The following NCS1 variants were observed in gnomAD, a reference collection of about 807,000 sequenced individuals.
The protein encoded by NCS1 is frequenin homolog.
NCS1 carries 6 observed loss-of-function variants against 28.4 expected under a neutral mutation model. That is an observed-to-expected ratio of 0.21 (90% CI 0.12 to 0.42). The LOEUF (loss-of-function observed/expected upper bound fraction) is 0.42. Ranked by LOEUF, NCS1 falls within the 10% of genes least tolerant of loss-of-function variation. The probability of loss-of-function intolerance (pLI) is 1.00; values close to 1 mark genes in which losing one functional copy is unlikely to be tolerated. For missense variants in NCS1, 131 were observed against 241.4 expected, an observed-to-expected ratio of 0.54 and a Z score of 3.03; for synonymous variants, 86 against 99.3, an observed-to-expected ratio of 0.87 and a Z score of 0.79.
chr9:130,199,429 C>T (rs921529048), intron 1 of NCS1, among the ~76,000 whole-genome samples: 1 of 152,184 alleles, frequency 6.6e-6, no homozygotes, highest in Non-Finnish European at 1.5e-5. Flanking sequence ...TGCTTGCAGA[C>T]AGGTCTCTTC....
intron 1 of NCS1, among the ~76,000 whole-genome samples, chr9:130,194,398 G>A (rs1311193336): frequency 1.0e-5 from 1 of 96,346 alleles, no homozygotes; most frequent in East Asian, 2.3e-4. Context: ...TGGAGTCTGT[G>A]GGCGTGGGGG....
At position 130,226,445 on chromosome 9, in the gene NCS1, G is replaced by A. The variant is rs1554911391; in HGVS notation, c.531G>A (p.Pro177=). Residue 177 remains proline (P), a synonymous_variant, in exon 7 of 8, where the codon CCG becomes CCA. Transcript: ENST00000372398. This position sits in a 1 kb window ranked among gnomAD's most constrained non-coding sequence, Gnocchi z 4.8. ...QEFQEGSKAD[P]SIVQALSLYD... is the part of the protein sequence containing the mutation. Reference sequence around the variant, plus strand: ...TCCAGGAGGGTTCCAAGGCAGACCCGTCCATTGTGCAGGCGCTGTCCCTCT... The same window carrying A: ...TCCAGGAGGGTTCCAAGGCAGACCCATCCATTGTGCAGGCGCTGTCCCTCT... 6 of 1,614,002 alleles carry A rather than the reference G, an allele frequency of 3.7e-6. No homozygotes were observed. The highest frequency in any genetic ancestry group is 4.2e-6 in the Non-Finnish European group (5 of 1,180,000).
chr9:130,200,625 G>T, intron 1 of NCS1: 1 of 1,551,818 alleles, frequency 6.4e-7, no homozygotes, highest in Non-Finnish European at 8.7e-7. Flanking sequence ...AGTCTTAGAT[G>T]TTGGCCTGGG....
chr9:130,200,542 C>A, intron 1 of NCS1: 1 of 1,550,690 alleles, frequency 6.4e-7, no homozygotes, highest in Non-Finnish European at 8.7e-7. Flanking sequence ...ATAGGTGGGG[C>A]AGCCGAGTGC....
At chr9:130,230,545 C>CA (rs1227146388) in intron 7 of NCS1, among the ~76,000 whole-genome samples, 25 of 151,884 alleles carry the variant, frequency 1.6e-4, no homozygotes, top group African/African-American at 6.0e-4. Flanking sequence ...TCTGTCTCTA[C>CA]AAAAAATATG....
At position 130,192,234 on chromosome 9, in the gene NCS1, C is replaced by G. The variant is rs558877915; in HGVS notation, c.65-8724C>G. On this transcript the variant is annotated intron_variant, in intron 1 of 7. Transcript: ENST00000372398. The surrounding 1 kb of genome is among the most constrained non-coding windows in gnomAD (Gnocchi z 4.8). Reference sequence around the variant, plus strand: ...GCAGTGATGATCATGCTGACTGCCTCGTGCCAGGCAGCTCCTGCGTCTGCT... The same window carrying G: ...GCAGTGATGATCATGCTGACTGCCTGGTGCCAGGCAGCTCCTGCGTCTGCT... 1.3e-5 allele frequency among the ~76,000 whole-genome samples: 2 copies of G among 152,158 alleles called. No individual in the cohort carries two copies. Among genetic ancestry groups the G allele is most frequent in the Admixed American group, 1.3e-4 (2 of 15,290 alleles).
chr9:130,181,756 C>T lies in NCS1; in HGVS notation c.64+9029C>T, dbSNP rs1488763125. ...CCTGGTGTGGGTGTTGCAGGCAGGG[C>T]GGGTGCTGCGGGGCACGTGGGCAAG... On this transcript the variant is annotated intron_variant, in intron 1 of 7. Transcript: ENST00000372398. This position sits in a 1 kb window ranked among gnomAD's most constrained non-coding sequence, Gnocchi z 5.0. 6.6e-6 allele frequency among the ~76,000 whole-genome samples: 1 copy of T among 152,076 alleles called. No individual in the cohort carries two copies. The highest frequency in any genetic ancestry group is 1.5e-5 in the Non-Finnish European group (1 of 68,002).
intron 1 of NCS1, among the ~76,000 whole-genome samples, chr9:130,179,591 A>G (rs1297645747): frequency 1.3e-5 from 2 of 152,216 alleles, no homozygotes; most frequent in Non-Finnish European, 2.9e-5. Context: ...AAAATTGTTG[A>G]ATTGCTCTCC....
rs576647630 is a variant in NCS1, at chr9:130,215,663, C to G, written c.90-2169C>G. 6.6e-6 allele frequency among the ~76,000 whole-genome samples: 1 copy of G among 152,138 alleles called. No individual in the cohort carries two copies. Among genetic ancestry groups the G allele is most frequent in the Admixed American group, 6.5e-5 (1 of 15,278 alleles). On this transcript the variant is annotated intron_variant, in intron 2 of 7. Transcript: ENST00000372398. The surrounding 1 kb of genome is among the most constrained non-coding windows in gnomAD (Gnocchi z 4.2). ...AAATGGGATGGTTGGGCCGACCTGC[C>G]GAGGGAACCACCCTCTCAGCACAGT... is the stretch of plus-strand genomic sequence containing the variant.
In NCS1 at chr9:130,177,260, TGA is replaced by T. The variant is rs1832585960; in HGVS notation, c.64+4535_64+4536del. On this transcript the variant is annotated intron_variant, in intron 1 of 7. Transcript: ENST00000372398. The surrounding 1 kb of genome is among the most constrained non-coding windows in gnomAD (Gnocchi z 4.4). ...TGGTTGTGGACTGTCCTGGGGCCCATGAGGGCCCCTTCCTCTAGGGTGAGGAA... is the reference window on the plus strand; with the variant it reads ...TGGTTGTGGACTGTCCTGGGGCCCATGGGCCCCTTCCTCTAGGGTGAGGAA... 2.0e-5 allele frequency among the ~76,000 whole-genome samples: 3 copies of T among 152,134 alleles called. No individual in the cohort carries two copies. The highest frequency in any genetic ancestry group is 4.4e-5 in the Non-Finnish European group (3 of 68,006).
intron 1 of NCS1, among the ~76,000 whole-genome samples, chr9:130,176,775 A>G (rs971029193): frequency 6.6e-6 from 1 of 152,220 alleles, no homozygotes; most frequent in Admixed American, 6.5e-5. Flanking sequence ...AGAGGAGTGG[A>G]CCAGAGAGAT....
intron 2 of NCS1, among the ~76,000 whole-genome samples, chr9:130,208,193 G>A (rs1833053947): frequency 7.9e-6 from 1 of 126,608 alleles, no homozygotes; most frequent in South Asian, 2.8e-4. Context: ...TGGGATGGAT[G>A]CAGGCTGAGG....
chr9:130,183,490 G>A (rs192998716), intron 1 of NCS1, among the ~76,000 whole-genome samples: 1 of 152,330 alleles, frequency 6.6e-6, no homozygotes, highest in Non-Finnish European at 1.5e-5. Flanking sequence ...ACCCAAGGCA[G>A]AAATAGCACT....
At chr9:130,203,701 C>T (rs1190473890) in intron 2 of NCS1, among the ~76,000 whole-genome samples, 4 of 152,110 alleles carry the variant, frequency 2.6e-5, no homozygotes, top group African/African-American at 4.8e-5. Context: ...GGGAAGAGGA[C>T]GAGGTTTGTG....
At position 130,234,902 on chromosome 9, in the gene NCS1, C is replaced by T. The variant is rs1564717839; in HGVS notation, c.*1930C>T. On this transcript the variant is annotated 3_prime_UTR_variant, in exon 8 of 8. Coordinates refer to ENST00000372398, the MANE Select transcript of NCS1 (RefSeq NM_014286.4). This position sits in a 1 kb window ranked among gnomAD's most constrained non-coding sequence, Gnocchi z 6.1. ...AATTCTTGCTGCTGCTTTGCAGAGT[C>T]AACAGCCCATCAGCCCATGTTTTAG... The T allele has an allele frequency of 6.6e-6, 1 of 152,256 alleles. No individual in the cohort carries two copies. Among genetic ancestry groups the T allele is most frequent in the Non-Finnish European group, 1.5e-5 (1 of 68,078 alleles). The allele number at this position is 152,256 out of a possible 1,614,324, so 9.4% of individuals were successfully genotyped here.
At chr9:130,198,961 A>G (rs782686589) in intron 1 of NCS1, among the ~76,000 whole-genome samples, 1 of 152,090 alleles carries the variant, frequency 6.6e-6, no homozygotes, top group Non-Finnish European at 1.5e-5. Context: ...CTCCACCCCC[A>G]TGCCGAATCC....
intron 2 of NCS1, among the ~76,000 whole-genome samples, chr9:130,214,601 G>A (rs551954189): frequency 6.6e-6 from 1 of 151,868 alleles, no homozygotes; most frequent in Non-Finnish European, 1.5e-5. Context: ...CAGATATCGT[G>A]GGGGTGGGGA....
At position 130,232,608 on chromosome 9, in the gene NCS1, CTG is replaced by C; in HGVS notation, c.*18-380_*18-379del. Among the ~76,000 whole-genome samples the C allele has an allele frequency of 6.6e-6, 1 of 152,166 alleles. No individual in the cohort carries two copies. The highest frequency in any genetic ancestry group is 1.9e-4 in the East Asian group (1 of 5,156). ...CCAGCCTGGCCAAGATGGTGAAACC[CTG>C]TCTCTACTAAAAAATGCAAAAAGAA... On this transcript the variant is annotated intron_variant, in intron 7 of 7. Coordinates refer to ENST00000372398, the MANE Select transcript of NCS1 (RefSeq NM_014286.4). This position sits in a 1 kb window ranked among gnomAD's most constrained non-coding sequence, Gnocchi z 4.4.
chr9:130,207,537 C>G (rs943173284), intron 2 of NCS1, among the ~76,000 whole-genome samples: 1 of 152,248 alleles, frequency 6.6e-6, no homozygotes, highest in African/African-American at 2.4e-5. Flanking sequence ...CCCTGTCTGT[C>G]CTGTACAATC....
Sources: allele counts gnomAD v4.1 joint callset (sites outside exome capture counted in the v4.1 genomes callset), GRCh38; gene constraint gnomAD v4.1.1; non-coding constraint Gnocchi (gnomAD v3.1); transcripts MANE v1.5; gene names NCBI Gene and HGNC (gene_info 2026-07-23, HGNC 2026-07-21).